Variants in DIAPH2 observed in about 807,000 individuals in gnomAD.
DIAPH2 encodes diaphanous related formin 2.
Under a neutral mutation model 92.7 loss-of-function variants are expected in DIAPH2, and 35 were observed. The observed-to-expected ratio is 0.38, with a 90% CI of 0.29 to 0.50. DIAPH2 has a LOEUF of 0.50. Ranked by LOEUF, DIAPH2 falls within the 20% of genes least tolerant of loss-of-function variation. DIAPH2 has a pLI of 0.94. For missense variants in DIAPH2, 701 were observed against 819.5 expected (o/e 0.86, Z 1.77); for synonymous variants, 301 against 280.4 (o/e 1.07, Z -0.73).
At chrX:96,945,446 GCA>G in intron 13 of DIAPH2, 79 bp from the exon 14 acceptor site, 2 of 645,695 alleles carry the variant, frequency 3.1e-6, no homozygotes, top group African/African-American at 4.6e-5. Flanking sequence ...AGTCTGCATT[GCA>G]GAGTTATAGG....
At chrX:97,044,325 A>G (rs1469484188) in intron 17 of DIAPH2, among the ~76,000 whole-genome samples, 2 of 110,859 alleles carry the variant, frequency 1.8e-5, no homozygotes, top group Non-Finnish European at 3.8e-5. Flanking sequence ...GCTTGTTAAC[A>G]TAGCTATTTC....
chrX:97,424,387 T>C (rs1450729461), intron 25 of DIAPH2, among the ~76,000 whole-genome samples: 4 of 111,298 alleles, frequency 3.6e-5, no homozygotes, highest in African/African-American at 1.3e-4. Flanking sequence ...GATATTGCAA[T>C]GGTTTGTAGC....
intron 23 of DIAPH2, among the ~76,000 whole-genome samples, chrX:97,309,380 C>T (rs2068775182): frequency 9.0e-6 from 1 of 111,298 alleles, no homozygotes; most frequent in Admixed American, 9.6e-5. Flanking sequence ...GAATTACAGG[C>T]ATGAGCCACC....
At chrX:97,025,738 A>C (rs1046327060) in intron 17 of DIAPH2, among the ~76,000 whole-genome samples, 1 of 112,773 alleles carries the variant, frequency 8.9e-6, no homozygotes, top group Non-Finnish European at 1.9e-5. Context: ...TAATCTCTAA[A>C]ATAAATCATT....
chrX:97,152,597 G>A (rs892721216), intron 22 of DIAPH2, among the ~76,000 whole-genome samples: 4 of 112,020 alleles, frequency 3.6e-5, no homozygotes, highest in East Asian at 5.6e-4. Flanking sequence ...GCGGAAGGGT[G>A]GAGGGGTAGA....
At chrX:97,444,784 TGAAAA>T (rs1235698218) in intron 26 of DIAPH2, among the ~76,000 whole-genome samples, 1 of 111,802 alleles carries the variant, frequency 8.9e-6, no homozygotes, top group Non-Finnish European at 1.9e-5. Flanking sequence ...AATCATGAAT[TGAAAA>T]GAAAAAGGAC....
chrX:97,235,817 G>A (rs1451737163), intron 22 of DIAPH2, among the ~76,000 whole-genome samples: 2 of 110,110 alleles, frequency 1.8e-5, no homozygotes, highest in Non-Finnish European at 3.8e-5. Context: ...TTTATGACAT[G>A]ATAATGCCCA....
At chrX:96,793,887 G>T (rs2064519357) in intron 4 of DIAPH2, among the ~76,000 whole-genome samples, 1 of 112,082 alleles carries the variant, frequency 8.9e-6, no homozygotes, top group Non-Finnish European at 1.9e-5. Flanking sequence ...GTTCAGATTA[G>T]AGAAAAACTA....
At chrX:97,034,862 C>T (rs1378909003) in intron 17 of DIAPH2, among the ~76,000 whole-genome samples, 1 of 111,096 alleles carries the variant, frequency 9.0e-6, no homozygotes, top group Non-Finnish European at 1.9e-5. Flanking sequence ...CAGAGGTCCC[C>T]ATTAAAAAGA....
intron 22 of DIAPH2, among the ~76,000 whole-genome samples, chrX:97,206,760 A>G (rs1349386541): frequency 8.9e-6 from 1 of 111,737 alleles, no homozygotes; most frequent in Non-Finnish European, 1.9e-5. Flanking sequence ...AGTATGTTTG[A>G]CAGAAAAAAA....
chrX:96,962,324 C>CATATATATAT (rs1569436449), intron 16 of DIAPH2, among the ~76,000 whole-genome samples: 11 of 33,382 alleles, frequency 3.3e-4, no homozygotes, highest in African/African-American at 8.3e-4. Context: ...TATATATATA[C>CATATATATAT]ACATATATAT....
intron 22 of DIAPH2, among the ~76,000 whole-genome samples, chrX:97,184,129 A>G (rs2067562114): frequency 8.9e-6 from 1 of 112,159 alleles, no homozygotes; most frequent in African/African-American, 3.2e-5. Flanking sequence ...TAGTTTCTCT[A>G]TTTAATTGTC....
At chrX:96,791,829 C>T (rs994013029) in intron 4 of DIAPH2, among the ~76,000 whole-genome samples, 31 of 110,806 alleles carry the variant, frequency 2.8e-4, no homozygotes, top group African/African-American at 9.2e-4. Flanking sequence ...ATTTAATTCT[C>T]ACCGTAATCC....
At chrX:97,467,423 A>G (rs781599515) in intron 26 of DIAPH2, among the ~76,000 whole-genome samples, 36 of 111,946 alleles carry the variant, frequency 3.2e-4, no homozygotes, top group African/African-American at 1.1e-3. Context: ...CTGAGGAATT[A>G]TACTTTAAGA....
intron 26 of DIAPH2, among the ~76,000 whole-genome samples, chrX:97,570,098 A>ATAT (rs2071355838): frequency 3.2e-5 from 1 of 30,865 alleles, no homozygotes; most frequent in African/African-American, 1.0e-4. Flanking sequence ...ATATATATAT[A>ATAT]TATATATATA....
intron 19 of DIAPH2, among the ~76,000 whole-genome samples, chrX:97,079,712 A>C (rs1036152465): frequency 2.7e-5 from 3 of 111,156 alleles, no homozygotes; most frequent in South Asian, 3.9e-4. Context: ...TAAGGACTGC[A>C]TATCTGGGGA....
intron 21 of DIAPH2, among the ~76,000 whole-genome samples, chrX:97,115,263 C>T (rs1294343095): frequency 9.0e-6 from 1 of 111,615 alleles, no homozygotes; most frequent in Non-Finnish European, 1.9e-5. Flanking sequence ...TGGCCAGGCG[C>T]GGTGGCTCAC....
intron 12 of DIAPH2, 110 bp downstream of exon 12, chrX:96,939,492 A>G (rs1186651971): frequency 2.1e-5 from 2 of 93,278 alleles, no homozygotes; most frequent in African/African-American, 9.1e-5. Context: ...GTGTATGTAT[A>G]TATATATGTA....
At chrX:97,041,416 G>A (rs1257366771) in intron 17 of DIAPH2, among the ~76,000 whole-genome samples, 1 of 111,414 alleles carries the variant, frequency 9.0e-6, no homozygotes, top group East Asian at 2.8e-4. Context: ...CAGTGTGGGA[G>A]CTATGTTAAC....
Sources: allele counts gnomAD v4.1 joint callset (sites outside exome capture counted in the v4.1 genomes callset), GRCh38; gene constraint gnomAD v4.1.1; transcripts MANE v1.5; gene names NCBI Gene and HGNC (gene_info 2026-07-23, HGNC 2026-07-21).